The following PNO1 variants were observed in gnomAD, a reference collection of about 807,000 sequenced individuals.
PNO1 encodes RNA-binding protein PNO1.
PNO1 carries 16 observed loss-of-function variants against 28.4 expected under a neutral mutation model. The ratio of observed to expected loss-of-function variants is 0.56; its 90% confidence interval spans 0.38 to 0.85. The LOEUF (loss-of-function observed/expected upper bound fraction) is 0.85, where lower values mean the gene tolerates loss of function less well. Among genes scored for constraint, PNO1 ranks in the 40% least tolerant of loss-of-function variants. The probability of loss-of-function intolerance (pLI) is 0.00; values close to 1 mark genes in which losing one functional copy is unlikely to be tolerated. For missense variants in PNO1, 304 were observed against 312.2 expected (o/e 0.97, Z 0.20); for synonymous variants, 115 against 110.8 (o/e 1.04, Z -0.24).
chr2:68,159,165 C>A (rs539988304), intron 2 of PNO1, among the ~76,000 whole-genome samples: 2 of 151,976 alleles, frequency 1.3e-5, no homozygotes, highest in African/African-American at 4.8e-5. Flanking sequence ...GGTCACTGAT[C>A]AAAATGTCAT....
intron 5 of PNO1, among the ~76,000 whole-genome samples, chr2:68,165,655 C>G (rs904317311): frequency 6.6e-6 from 1 of 151,128 alleles, no homozygotes; most frequent in Non-Finnish European, 1.5e-5. Context: ...TCGAAACCAG[C>G]CTGGGCGACA....
At chr2:68,163,660 A>T (rs1673903100) in intron 5 of PNO1, among the ~76,000 whole-genome samples, 1 of 152,226 alleles carries the variant, frequency 6.6e-6, no homozygotes, top group South Asian at 2.1e-4. Context: ...GAGTCTTTAG[A>T]AGTATATATC....
intron 2 of PNO1, among the ~76,000 whole-genome samples, chr2:68,160,988 C>T (rs1448149640): frequency 6.6e-6 from 1 of 152,150 alleles, no homozygotes; most frequent in African/African-American, 2.4e-5. Context: ...TAAATCTTAC[C>T]TTTTTTGCTT....
intron 6 of PNO1, 137 bp downstream of exon 6, chr2:68,173,554 T>G (rs1572943618): frequency 3.9e-6 from 2 of 515,376 alleles, no homozygotes. Flanking sequence ...TTGGCAAAGG[T>G]GGGCCTAGAG....
At chr2:68,173,651 C>T (rs1308046395) in intron 6 of PNO1, among the ~76,000 whole-genome samples, 1 of 142,582 alleles carries the variant, frequency 7.0e-6, no homozygotes, top group African/African-American at 2.6e-5. Context: ...GGTGCGATCT[C>T]GGCTCACTGC....
rs183737660 is a variant in PNO1, at chr2:68,172,151, G to A, written c.621-1196G>A. ...ATGGGTATTGACATGATCGAGCATG[G>A]TGATGGGGAATAGCAAGAGAAAGCA... On this transcript the variant is annotated intron_variant, in intron 5 of 6. Coordinates refer to ENST00000263657, the MANE Select transcript of PNO1 (RefSeq NM_020143.4). Among the ~76,000 whole-genome samples, 331 of 152,298 alleles carry A rather than the reference G, an allele frequency of 2.2e-3. 1 individual carries two copies. The highest frequency in any genetic ancestry group is 7.3e-3 in the African/African-American group (303 of 41,562).
Position 68,158,286 on chromosome 2 carries a change from C to G in PNO1, c.208-94C>G, listed in dbSNP as rs1419164526. On this transcript the variant is annotated intron_variant, in intron 1 of 6. Coordinates refer to ENST00000263657, the MANE Select transcript of PNO1 (RefSeq NM_020143.4). ...GTGATTCTTTGAAGTGTAACTAGTT[C>G]AGTTAAAGGAGGCCCTTTGTGGATC... is the stretch of plus-strand genomic sequence containing the variant. The G allele has an allele frequency of 8.0e-6, 11 of 1,376,018 alleles. No homozygotes were observed. The African/African-American group carries it at 1.5e-4, about 18-fold the overall frequency. 85.2% of individuals were successfully genotyped at this position (1,376,018 alleles called of 1,614,324 possible).
intron 5 of PNO1, among the ~76,000 whole-genome samples, chr2:68,170,121 A>G (rs182486261): frequency 6.6e-6 from 1 of 152,360 alleles, no homozygotes; most frequent in Admixed American, 6.5e-5. Flanking sequence ...AACAGTTTAT[A>G]TTAATTATAA....
intron 5 of PNO1, among the ~76,000 whole-genome samples, chr2:68,167,667 A>C (rs1011722917): frequency 6.6e-6 from 1 of 152,168 alleles, no homozygotes; most frequent in South Asian, 2.1e-4. Flanking sequence ...CTGCACAAAA[A>C]ACCTGTTCAG....
At chr2:68,162,196 C>T in intron 3 of PNO1, 69 bp from the exon 4 acceptor site, 1 of 1,160,442 alleles carries the variant, frequency 8.6e-7, no homozygotes, top group Non-Finnish European at 1.3e-6. Flanking sequence ...TTCCATAGTG[C>T]TTTGCACTTT....
intron 2 of PNO1, chr2:68,161,356 A>G (rs1011571665): frequency 2.1e-5 from 10 of 475,658 alleles, no homozygotes; most frequent in Admixed American, 7.3e-5. Flanking sequence ...GAAGGGATGG[A>G]CAGAAGGTAG....
chr2:68,158,968 A>C (rs2103662820), intron 2 of PNO1, among the ~76,000 whole-genome samples: 1 of 152,366 alleles, frequency 6.6e-6, no homozygotes, highest in South Asian at 2.1e-4. Flanking sequence ...TACTTACACA[A>C]ACCTAGATGG....
chr2:68,161,039 C>G (rs115788193), intron 2 of PNO1, among the ~76,000 whole-genome samples: 2,591 of 152,328 alleles, frequency 0.017, 43 homozygotes, highest in South Asian at 0.056. Flanking sequence ...GTAGTCATAT[C>G]ACTTAACATT....
intron 5 of PNO1, among the ~76,000 whole-genome samples, chr2:68,172,025 C>T (rs1674143873): frequency 6.6e-6 from 1 of 151,952 alleles, no homozygotes; most frequent in Non-Finnish European, 1.5e-5. Flanking sequence ...AGGGTGTGAC[C>T]ATGGATGGAA....
rs919033041 is a variant in PNO1 at position 68,175,716 on chromosome 2, C to T, written c.*914C>T. The T allele has an allele frequency of 2.0e-5, 3 of 152,154 alleles. No individual in the cohort carries two copies. The highest frequency in any genetic ancestry group is 7.2e-5 in the African/African-American group (3 of 41,426). 9.4% of individuals were successfully genotyped at this position (152,154 alleles called of 1,614,324 possible). On this transcript the variant is annotated 3_prime_UTR_variant, in exon 7 of 7. Coordinates refer to ENST00000263657, the MANE Select transcript of PNO1 (RefSeq NM_020143.4). The stretch of plus-strand genomic sequence containing the variant: ...CATCACAGGGTTAATGTGAAGAAAG[C>T]TTTATTTTTCAAATGAGTATTTAAT...
At chr2:68,169,400 A>G (rs1034424475) in intron 5 of PNO1, among the ~76,000 whole-genome samples, 6 of 152,216 alleles carry the variant, frequency 3.9e-5, no homozygotes, top group African/African-American at 1.4e-4. Context: ...ATCACTTTCT[A>G]CTGTGATAGA....
intron 2 of PNO1, among the ~76,000 whole-genome samples, chr2:68,159,205 GCT>G (rs1372897402): frequency 1.3e-5 from 2 of 151,986 alleles, no homozygotes; most frequent in South Asian, 2.1e-4. Context: ...TTTTAATGGT[GCT>G]CTTTTGATTA....
chr2:68,168,662 AT>A (rs1294582284), intron 5 of PNO1, among the ~76,000 whole-genome samples: 2 of 152,126 alleles, frequency 1.3e-5, no homozygotes, highest in African/African-American at 2.4e-5. Flanking sequence ...CTTGTTTACA[AT>A]TTGATATCTT....
intron 2 of PNO1, 38 bp from the exon 3 acceptor site, chr2:68,161,645 C>T: frequency 1.6e-6 from 2 of 1,250,630 alleles, no homozygotes; most frequent in Non-Finnish European, 2.3e-6. Flanking sequence ...CTGTTTGATT[C>T]TCAACGGTAT....
Sources: gnomAD v4.1 joint callset for allele counts (sites outside exome capture counted in the v4.1 genomes callset) on GRCh38, gnomAD v4.1.1 for gene constraint, MANE v1.5 for transcripts, NCBI Gene and HGNC (gene_info 2026-07-23, HGNC 2026-07-21) for gene names.